COL4A5: variants seen among roughly 807,000 people sequenced by gnomAD.
The protein encoded by COL4A5 is collagen type IV alpha 5 chain, also known as collagen alpha-5(IV) chain.
COL4A5 carries 26 observed loss-of-function variants against 130.2 expected under a neutral mutation model. The ratio of observed to expected loss-of-function variants is 0.20; its 90% confidence interval spans 0.15 to 0.28. COL4A5 has a LOEUF of 0.28. COL4A5 is among the 10% of genes least tolerant of loss of function. The pLI is 1.00. For missense variants in COL4A5, 1,131 were observed against 1,344.3 expected, an observed-to-expected ratio of 0.84 and a Z score of 2.48; for synonymous variants, 496 against 439.6, an observed-to-expected ratio of 1.13 and a Z score of -1.60.
intron 1 of COL4A5, among the ~76,000 whole-genome samples, chrX:108,463,754 T>C (rs1185405073): frequency 2.7e-5 from 3 of 112,020 alleles, no homozygotes; most frequent in Non-Finnish European, 5.6e-5. Flanking sequence ...CAGCAAATTA[T>C]TGGAAAGAGC....
intron 44 of COL4A5, among the ~76,000 whole-genome samples, chrX:108,679,612 T>C (rs997653713): frequency 2.7e-5 from 3 of 111,481 alleles, no homozygotes; most frequent in African/African-American, 9.8e-5. Context: ...AATAAGATGC[T>C]CCAGGCTTGT....
chrX:108,604,205 G>T (rs1159323342), intron 28 of COL4A5, among the ~76,000 whole-genome samples: 1 of 111,982 alleles, frequency 8.9e-6, no homozygotes, highest in Non-Finnish European at 1.9e-5. Flanking sequence ...TTTCCAATTT[G>T]TTTTGCCAGA....
chrX:108,582,041 CAGAG>C (rs2066258976), intron 16 of COL4A5, among the ~76,000 whole-genome samples: 1 of 110,486 alleles, frequency 9.1e-6, no homozygotes, highest in East Asian at 2.8e-4. Flanking sequence ...TTTTCAAAGA[CAGAG>C]AGAATATTTG....
intron 47 of COL4A5, among the ~76,000 whole-genome samples, chrX:108,683,833 GCAAA>G (rs766289034): frequency 3.6e-5 from 4 of 111,549 alleles, no homozygotes; most frequent in Non-Finnish European, 7.5e-5. Flanking sequence ...CATGTAATCT[GCAAA>G]CAGAGACAAC....
chrX:108,670,354 C>T (rs1243044949), intron 42 of COL4A5, 118 bp downstream of exon 42: 1 of 1,124,245 alleles, frequency 8.9e-7, no homozygotes, highest in African/African-American at 1.8e-5. Flanking sequence ...TCAATTCTTA[C>T]ATAGTGGCTT....
At chrX:108,647,067 C>A (rs192096216) in intron 36 of COL4A5, among the ~76,000 whole-genome samples, 2 of 110,997 alleles carry the variant, frequency 1.8e-5, no homozygotes, top group East Asian at 5.7e-4. Flanking sequence ...GATGCAGGCT[C>A]TTTTTTGGTT....
At chrX:108,441,309 C>T (rs1450574708) in intron 1 of COL4A5, among the ~76,000 whole-genome samples, 1 of 112,245 alleles carries the variant, frequency 8.9e-6, no homozygotes, top group Non-Finnish European at 1.9e-5. Flanking sequence ...GAGATCATGG[C>T]TTAGGCCTTC....
intron 37 of COL4A5, among the ~76,000 whole-genome samples, chrX:108,661,947 A>G (rs1340287183): frequency 2.7e-5 from 3 of 109,459 alleles, no homozygotes; most frequent in African/African-American, 1.0e-4. Flanking sequence ...TTATACTTTA[A>G]GTTTTAGGGT....
At chrX:108,643,531 AC>A (rs1399862844) in intron 36 of COL4A5, among the ~76,000 whole-genome samples, 1 of 111,892 alleles carries the variant, frequency 8.9e-6, no homozygotes, top group African/African-American at 3.3e-5. Context: ...CAGAAACCCT[AC>A]AAGCTTGAAG....
At chrX:108,454,427 G>A (rs1168158555) in intron 1 of COL4A5, among the ~76,000 whole-genome samples, 7 of 110,370 alleles carry the variant, frequency 6.3e-5, no homozygotes, top group Non-Finnish European at 1.3e-4. Context: ...ACAGGCGCCC[G>A]CCACCACACC....
At chrX:108,488,047 T>C (rs1429785991) in intron 1 of COL4A5, among the ~76,000 whole-genome samples, 2 of 112,646 alleles carry the variant, frequency 1.8e-5, no homozygotes, top group Admixed American at 1.9e-4. Flanking sequence ...AACACATTCA[T>C]GTGGTTCAGA....
At chrX:108,618,677 A>G (rs2066980473) in intron 30 of COL4A5, among the ~76,000 whole-genome samples, 1 of 110,681 alleles carries the variant, frequency 9.0e-6, no homozygotes, top group African/African-American at 3.3e-5. Context: ...AATAACTTCT[A>G]TTTGTAGAGT....
chrX:108,526,591 CCCTCCTTTCTTTCTTTCTTT>C lies in COL4A5; in HGVS notation c.82-13153_82-13134del, dbSNP rs1365219607. On this transcript the variant is annotated intron_variant, in intron 1 of 52. Coordinates refer to ENST00000328300, the MANE Select transcript of COL4A5 (RefSeq NM_033380.3). The stretch of plus-strand genomic sequence containing the variant: ...TCCTTTCCTCCCTCCCTCCCTCCCT[CCCTCCTTTCTTTCTTTCTTT>C]CTTTCTTTCTTTCTTTCTTTCTTTC... Among the ~76,000 whole-genome samples, 19 of 53,236 alleles carry C rather than the reference CCCTCCTTTCTTTCTTTCTTT, an allele frequency of 3.6e-4. 1 individual carries two copies. Among genetic ancestry groups the C allele is most frequent in the Admixed American group, 2.6e-3 (14 of 5,307 alleles). The allele number at this position is 53,236 out of a possible 115,157, so 46.2% of individuals were successfully genotyped here.
At chrX:108,636,796 AT>A (rs2067362199) in intron 36 of COL4A5, among the ~76,000 whole-genome samples, 1 of 111,447 alleles carries the variant, frequency 9.0e-6, no homozygotes, top group South Asian at 3.7e-4. Flanking sequence ...CACAGCATAT[AT>A]TTTTTAATCA....
chrX:108,624,568 G>C (rs753963109), intron 34 of COL4A5, among the ~76,000 whole-genome samples: 383 of 112,102 alleles, frequency 3.4e-3, no homozygotes, highest in Admixed American at 4.9e-3. Context: ...TCTTTTTGTG[G>C]CAGCAGGGTA....
chrX:108,501,891 A>G (rs993107050), intron 1 of COL4A5, among the ~76,000 whole-genome samples: 3 of 111,922 alleles, frequency 2.7e-5, no homozygotes, highest in Non-Finnish European at 5.6e-5. Flanking sequence ...TTTCCCTTAG[A>G]CTATTTGAGA....
rs752098255 is a variant in COL4A5, at chrX:108,695,231, T to C, written c.4822-36T>C. ...ATATTCACTAAGCTATTATGGCACA[T>C]GGGTATTGCGGCACATTTTTCCTTG... On this transcript the variant is annotated intron_variant, in intron 51 of 52. Transcript: ENST00000328300. The C allele has an allele frequency of 5.8e-6, 7 of 1,203,804 alleles. No individual in the cohort carries two copies. In the African/African-American group the frequency reaches 7.0e-5, roughly 12 times the overall value.
At chrX:108,543,001 G>T (rs2065574350) in intron 2 of COL4A5, among the ~76,000 whole-genome samples, 2 of 110,753 alleles carry the variant, frequency 1.8e-5, no homozygotes, top group South Asian at 7.6e-4. Context: ...GTAGATTCTG[G>T]ATATTAGCCC....
At chrX:108,610,333 AAGAC>A (rs1333056810) in intron 29 of COL4A5, among the ~76,000 whole-genome samples, 1 of 111,652 alleles carries the variant, frequency 9.0e-6, no homozygotes, top group Non-Finnish European at 1.9e-5. Flanking sequence ...TTAAAGCAGT[AAGAC>A]AGCCCAATCC....
Sources: allele counts gnomAD v4.1 joint callset (sites outside exome capture counted in the v4.1 genomes callset), GRCh38; gene constraint gnomAD v4.1.1; transcripts MANE v1.5; gene names NCBI Gene and HGNC (gene_info 2026-07-23, HGNC 2026-07-21).